The following SYNPO variants were observed in gnomAD, a reference collection of about 807,000 sequenced individuals.
SYNPO encodes the protein synaptopodin.
SYNPO carries 19 observed loss-of-function variants against 49.5 expected under a neutral mutation model. The ratio of observed to expected loss-of-function variants is 0.38; its 90% CI spans 0.27 to 0.56. The LOEUF is 0.56. SYNPO is among the 20% of genes least tolerant of loss of function. SYNPO has a pLI of 0.68. For missense variants in SYNPO, 1,131 were observed against 1,248.3 expected (o/e 0.91, Z 1.42); for synonymous variants, 536 against 548.0 (o/e 0.98, Z 0.31).
chr5:150,606,048 T>C (rs1756684630), intron 1 of SYNPO, among the ~76,000 whole-genome samples: 1 of 151,994 alleles, frequency 6.6e-6, no homozygotes, highest in Non-Finnish European at 1.5e-5. Context: ...GACACACAGA[T>C]ACACGCCCAG....
chr5:150,635,125 C>T (rs1349385956), intron 2 of SYNPO, among the ~76,000 whole-genome samples: 3 of 152,252 alleles, frequency 2.0e-5, no homozygotes, highest in African/African-American at 7.2e-5. Flanking sequence ...ACATACGTCC[C>T]ACAAGGTGTG....
chr5:150,620,879 T>TTTTCTTTTTTTCTTTTTTTCTCTTTC (rs1757130927), intron 2 of SYNPO, among the ~76,000 whole-genome samples: 1 of 148,946 alleles, frequency 6.7e-6, no homozygotes, highest in African/African-American at 2.5e-5. Flanking sequence ...ATTCCTTTCT[T>TTTTCTTTTTTTCTTTTTTTCTCTTTC]TTTCTTTTTT....
At chr5:150,636,921 G>A (rs530296578), upstream of SYNPO, among the ~76,000 whole-genome samples, 1 of 152,250 alleles carries the variant, frequency 6.6e-6, no homozygotes, top group African/African-American at 2.4e-5. Flanking sequence ...CAGCCTGGTC[G>A]AGTTACGCAG....
chr5:150,645,349 GA>G (rs375827082), intron 1 of SYNPO, among the ~76,000 whole-genome samples: 151 of 152,332 alleles, frequency 9.9e-4, no homozygotes, highest in African/African-American at 3.4e-3. Context: ...GTAGGGAGGA[GA>G]GGGGCAATGG....
At chr5:150,623,239 ATCTTTCACACAT>A (rs1213399569) in intron 2 of SYNPO, among the ~76,000 whole-genome samples, 3 of 152,152 alleles carry the variant, frequency 2.0e-5, no homozygotes, top group African/African-American at 7.2e-5. Context: ...ACACTTTGAA[ATCTTTCACACAT>A]TCTCTCCTAC....
At chr5:150,598,596 AATTAGTATCCAG>A (rs775299865), upstream of SYNPO, among the ~76,000 whole-genome samples, 67 of 152,198 alleles carry the variant, frequency 4.4e-4, no homozygotes, top group Non-Finnish European at 8.8e-4. Flanking sequence ...TTTATGAGAT[AATTAGTATCCAG>A]ATAAGTATCC....
upstream of SYNPO, among the ~76,000 whole-genome samples, chr5:150,599,045 A>G (rs1164107027): frequency 1.3e-5 from 2 of 152,210 alleles, no homozygotes; most frequent in Non-Finnish European, 2.9e-5. Flanking sequence ...CTGGGGCCGG[A>G]TGCAGGTTAC....
At chr5:150,650,472 CTGGCTT>C in intron 2 of SYNPO, 169 bp downstream of exon 2, 1 of 1,513,126 alleles carries the variant, frequency 6.6e-7, no homozygotes, top group Non-Finnish European at 8.9e-7. Context: ...CGGCCACCAG[CTGGCTT>C]TGTGACCTTG....
chr5:150,635,118 T>G (rs978652623), intron 2 of SYNPO, among the ~76,000 whole-genome samples: 2 of 152,218 alleles, frequency 1.3e-5, no homozygotes, highest in African/African-American at 4.8e-5. Context: ...AGGAAACACA[T>G]ACGTCCCACA....
At chr5:150,613,866 C>G (rs1470787047) in intron 1 of SYNPO, among the ~76,000 whole-genome samples, 1 of 152,188 alleles carries the variant, frequency 6.6e-6, no homozygotes, top group Non-Finnish European at 1.5e-5. Context: ...CTACTTAAGC[C>G]CTAATGCTCA....
At chr5:150,588,986 A>G in the SYNPO span, among the ~76,000 whole-genome samples, 1 of 152,256 alleles carries the variant, frequency 6.6e-6, no homozygotes, top group Admixed American at 6.5e-5. Flanking sequence ...TATTGATTCA[A>G]TGCATTCCAT....
intron 2 of SYNPO, among the ~76,000 whole-genome samples, chr5:150,623,574 C>A (rs1757248754): frequency 6.6e-6 from 1 of 151,930 alleles, no homozygotes; most frequent in Non-Finnish European, 1.5e-5. Context: ...AGCAGAGCAG[C>A]CACACGATCA....
At chr5:150,646,834 G>C (rs1020446366) in intron 1 of SYNPO, among the ~76,000 whole-genome samples, 2 of 152,094 alleles carry the variant, frequency 1.3e-5, no homozygotes, top group South Asian at 2.1e-4. Flanking sequence ...AAGTATAAAG[G>C]GCCCTAAGGA....
chr5:150,596,789 T>A (rs1404858102), upstream of SYNPO, among the ~76,000 whole-genome samples: 1 of 152,144 alleles, frequency 6.6e-6, no homozygotes, highest in Admixed American at 6.5e-5. Flanking sequence ...TGCCATCTCC[T>A]GCACGGGCTC....
At chr5:150,651,074 C>T in intron 2 of SYNPO, 1 of 1,148,036 alleles carries the variant, frequency 8.7e-7, no homozygotes, top group Non-Finnish European at 1.1e-6. Context: ...ACCTGGCTTG[C>T]TGTCACCGCT....
At chr5:150,626,936 A>G (rs539067672) in intron 2 of SYNPO, among the ~76,000 whole-genome samples, 1 of 152,120 alleles carries the variant, frequency 6.6e-6, no homozygotes, top group East Asian at 1.9e-4. Flanking sequence ...TCTTCTCTCC[A>G]CCCCTAGTCA....
intron 1 of SYNPO, among the ~76,000 whole-genome samples, chr5:150,614,218 C>T (rs1166744232): frequency 2.0e-5 from 3 of 152,204 alleles, no homozygotes; most frequent in Non-Finnish European, 4.4e-5. Context: ...AGATAAGAGA[C>T]ATGTCCAGGG....
intron 1 of SYNPO, among the ~76,000 whole-genome samples, chr5:150,643,344 A>G (rs1266981049): frequency 6.6e-6 from 1 of 152,212 alleles, no homozygotes; most frequent in Non-Finnish European, 1.5e-5. Flanking sequence ...TTGTTTTGGA[A>G]ATTAAATAAT....
chr5:150,603,055 A>C (rs1262896120), intron 1 of SYNPO, among the ~76,000 whole-genome samples: 1 of 135,142 alleles, frequency 7.4e-6, no homozygotes, highest in Non-Finnish European at 1.6e-5. Context: ...GTATGCTGTG[A>C]GTGCTATGTG....
Sources: allele counts gnomAD v4.1 joint callset (sites outside exome capture counted in the v4.1 genomes callset), GRCh38; gene constraint gnomAD v4.1.1; transcripts MANE v1.5; gene names NCBI Gene and HGNC (gene_info 2026-07-23, HGNC 2026-07-21).